LRMDA: variants seen among roughly 807,000 people sequenced by gnomAD.
The protein encoded by LRMDA is leucine-rich melanocyte differentiation-associated protein.
Under a neutral mutation model 29.8 loss-of-function variants are expected in LRMDA, and 18 were observed. That is an observed-to-expected ratio of 0.60 (90% CI 0.42 to 0.90). The LOEUF (loss-of-function observed/expected upper bound fraction) is 0.90. LRMDA is among the 40% of genes least tolerant of loss of function. LRMDA has a pLI of 0.00. For synonymous variants in LRMDA, 125 were observed against 109.4 expected, an observed-to-expected ratio of 1.14 and a Z score of -0.89; for missense variants, 273 against 273.9, an observed-to-expected ratio of 1.00 and a Z score of 0.02.
intron 2 of LRMDA, among the ~76,000 whole-genome samples, chr10:75,987,454 A>G (rs928402869): frequency 6.6e-6 from 1 of 152,260 alleles, no homozygotes; most frequent in Non-Finnish European, 1.5e-5. Flanking sequence ...ATTTCCAGAC[A>G]TAAGTATCCC....
intron 2 of LRMDA, among the ~76,000 whole-genome samples, chr10:75,697,850 T>TGTGTGCGCGC (rs10664076): frequency 9.2e-5 from 14 of 151,586 alleles, no homozygotes; most frequent in Non-Finnish European, 1.9e-4. Flanking sequence ...TGTGTGTGTG[T>TGTGTGCGCGC]GCGTGTGTGT....
At chr10:76,508,489 C>T (rs201627657) in intron 6 of LRMDA, among the ~76,000 whole-genome samples, 2 of 151,754 alleles carry the variant, frequency 1.3e-5, no homozygotes, top group East Asian at 3.9e-4. Context: ...CTCATGGATT[C>T]TTACTTTATT....
chr10:75,797,465 T>C (rs181389129), intron 2 of LRMDA, among the ~76,000 whole-genome samples: 216 of 152,324 alleles, frequency 1.4e-3, no homozygotes, highest in African/African-American at 4.9e-3. Context: ...AATAAAATCA[T>C]ATAGTTATAT....
chr10:75,558,489 G>T (rs1840245064), intron 2 of LRMDA, among the ~76,000 whole-genome samples: 2 of 151,912 alleles, frequency 1.3e-5, no homozygotes. Context: ...ATATCTTTTT[G>T]AAATGAGATG....
chr10:75,576,259 C>G (rs969339208), intron 2 of LRMDA, among the ~76,000 whole-genome samples: 3 of 152,170 alleles, frequency 2.0e-5, no homozygotes, highest in Non-Finnish European at 4.4e-5. Flanking sequence ...CCAGGAAGTT[C>G]GAACTGGGCA....
At chr10:75,639,860 T>G (rs1841430751) in intron 2 of LRMDA, among the ~76,000 whole-genome samples, 7 of 152,174 alleles carry the variant, frequency 4.6e-5, no homozygotes, top group Admixed American at 6.5e-5. Flanking sequence ...AGAGCGGACA[T>G]TAAGATTAAG....
Position 75,462,736 on chromosome 10 carries a change from C to A in LRMDA, c.131+24242C>A, listed in dbSNP as rs904574608. ...AATTAGCTTTATAAGGTGGGGAGAA[C>A]ATCTACCTTTGCAAGATATGAATTT... On this transcript the variant is annotated intron_variant, in intron 2 of 6. Transcript: ENST00000611255. Among the ~76,000 whole-genome samples the A allele has an allele frequency of 2.6e-5, 4 of 152,238 alleles. 1 individual carries two copies. In the South Asian group the frequency reaches 8.3e-4, roughly 32 times the overall value.
intron 5 of LRMDA, among the ~76,000 whole-genome samples, chr10:76,144,062 G>T (rs1464025962): frequency 2.0e-5 from 3 of 152,072 alleles, no homozygotes; most frequent in Admixed American, 2.0e-4. Context: ...TCTCTGTTTT[G>T]GTACCAGTAC....
intron 5 of LRMDA, among the ~76,000 whole-genome samples, chr10:76,097,363 A>G (rs11498042): frequency 0.43 from 66,059 of 151,932 alleles, 14,878 homozygotes; most frequent in Non-Finnish European, 0.46. Context: ...CAATTCTTAG[A>G]TTCTTTAATT....
intron 6 of LRMDA, among the ~76,000 whole-genome samples, chr10:76,353,562 T>C (rs1841204435): frequency 6.6e-6 from 1 of 152,028 alleles, no homozygotes; most frequent in Non-Finnish European, 1.5e-5. Flanking sequence ...TCTTAGTAAA[T>C]GTGTACAATC....
chr10:76,298,023 G>A (rs572441241), intron 5 of LRMDA, among the ~76,000 whole-genome samples: 4 of 152,340 alleles, frequency 2.6e-5, no homozygotes, highest in African/African-American at 9.6e-5. Flanking sequence ...ACTGCCTGTT[G>A]TACGTAACCT....
chr10:75,464,104 T>G (rs897536117), intron 2 of LRMDA, among the ~76,000 whole-genome samples: 1 of 152,204 alleles, frequency 6.6e-6, no homozygotes, highest in Non-Finnish European at 1.5e-5. Flanking sequence ...GCCCATCCTG[T>G]TCTGGATGAT....
intron 2 of LRMDA, among the ~76,000 whole-genome samples, chr10:75,512,713 G>T (rs935551876): frequency 1.3e-5 from 2 of 152,090 alleles, no homozygotes; most frequent in African/African-American, 4.8e-5. Flanking sequence ...GGAATGATTT[G>T]CATCTCTCTC....
intron 5 of LRMDA, among the ~76,000 whole-genome samples, chr10:76,199,288 A>G (rs980451582): frequency 2.0e-5 from 3 of 152,200 alleles, no homozygotes; most frequent in Non-Finnish European, 4.4e-5. Flanking sequence ...TTTGAAAATT[A>G]TGGTGTTTCT....
chr10:75,661,028 C>T (rs1357775979), intron 2 of LRMDA, among the ~76,000 whole-genome samples: 1 of 152,076 alleles, frequency 6.6e-6, no homozygotes, highest in Non-Finnish European at 1.5e-5. Flanking sequence ...AGAAGGCTAC[C>T]CAGATTCTCA....
chr10:76,490,454 GGTACTCCAGT>G, intron 6 of LRMDA, among the ~76,000 whole-genome samples: 2 of 150,828 alleles, frequency 1.3e-5, no homozygotes, highest in East Asian at 2.0e-4. Flanking sequence ...CATATATCTG[GGTACTCCAGT>G]GTTCAGTGCA....
At chr10:75,667,740 T>C (rs772912769) in intron 2 of LRMDA, among the ~76,000 whole-genome samples, 1 of 152,222 alleles carries the variant, frequency 6.6e-6, no homozygotes, top group Non-Finnish European at 1.5e-5. Flanking sequence ...GTGGATCTTA[T>C]GGATCATAGA....
rs76461251 is a variant in LRMDA, at chr10:76,313,326, C to T, written c.517-11075C>T. On this transcript the variant is annotated intron_variant, in intron 5 of 6. Coordinates refer to ENST00000611255, the MANE Select transcript of LRMDA (RefSeq NM_001305581.2). ...AGTACTAATTAAAAATGCTAATAAA[C>T]GTTAGCATTTTTAAACTATCATTAT... 5.4e-3 allele frequency among the ~76,000 whole-genome samples: 828 copies of T among 152,234 alleles called. 7 individuals are homozygous for T. Among genetic ancestry groups the T allele is most frequent in the African/African-American group, 0.019 (795 of 41,540 alleles).
chr10:75,671,407 C>T (rs776648956), intron 2 of LRMDA, among the ~76,000 whole-genome samples: 2 of 152,150 alleles, frequency 1.3e-5, no homozygotes, highest in East Asian at 3.9e-4. Flanking sequence ...ATTTCTTTGA[C>T]ACCGTAGATC....
Sources: gnomAD v4.1 joint callset for allele counts (sites outside exome capture counted in the v4.1 genomes callset) on GRCh38, gnomAD v4.1.1 for gene constraint, MANE v1.5 for transcripts, NCBI Gene and HGNC (gene_info 2026-07-23, HGNC 2026-07-21) for gene names.